Variants in ARMH3 observed in about 807,000 individuals in gnomAD.
ARMH3 encodes armadillo like helical domain containing 3, also known as armadillo-like helical domain-containing protein 3.
ARMH3 carries 60 observed loss-of-function variants against 99.1 expected under a neutral mutation model. The ratio of observed to expected loss-of-function variants is 0.61; its 90% CI spans 0.49 to 0.75. The LOEUF (loss-of-function observed/expected upper bound fraction) is 0.75, where lower values mean the gene tolerates loss of function less well. Ranked by LOEUF, ARMH3 falls within the 30% of genes least tolerant of loss-of-function variation. The pLI is 0.00. For synonymous variants in ARMH3, 285 were observed against 292.8 expected (o/e 0.97, Z 0.27); for missense variants, 679 against 843.1 (o/e 0.81, Z 2.41).
At chr10:101,985,261 T>C (rs1425320317) in intron 19 of ARMH3, among the ~76,000 whole-genome samples, 2 of 149,150 alleles carry the variant, frequency 1.3e-5, no homozygotes, top group South Asian at 2.1e-4. Flanking sequence ...TATATATATG[T>C]GTATATACGT....
chr10:101,974,920 T>C (rs1480017080), intron 20 of ARMH3, among the ~76,000 whole-genome samples: 2 of 151,880 alleles, frequency 1.3e-5, no homozygotes, highest in African/African-American at 2.4e-5. Context: ...GGAAGATTTA[T>C]TGGAACACAA....
chr10:101,865,664 T>G (rs1260779251), intron 24 of ARMH3, among the ~76,000 whole-genome samples: 4 of 151,982 alleles, frequency 2.6e-5, no homozygotes, highest in Non-Finnish European at 5.9e-5. Context: ...AATTTTCATA[T>G]TTTTTGTAGA....
chr10:101,956,816 A>G, intron 21 of ARMH3, 93 bp from the exon 22 acceptor site: 4 of 1,282,880 alleles, frequency 3.1e-6, no homozygotes, highest in Non-Finnish European at 4.1e-6. Context: ...ACTGTCTTGC[A>G]AGAGTTGACT....
intron 23 of ARMH3, among the ~76,000 whole-genome samples, chr10:101,890,381 C>T (rs1012832519): frequency 6.6e-6 from 1 of 152,070 alleles, no homozygotes; most frequent in African/African-American, 2.4e-5. Context: ...GCAGCTGGGA[C>T]TACAGGCATG....
chr10:101,880,735 T>C (rs1407476246), intron 24 of ARMH3, among the ~76,000 whole-genome samples: 1 of 152,148 alleles, frequency 6.6e-6, no homozygotes, highest in Non-Finnish European at 1.5e-5. Context: ...AGGCTCCATT[T>C]TCCTCATAAG....
At position 101,847,471 on chromosome 10, in the gene ARMH3, C is replaced by A; in HGVS notation, c.*57G>T. 1.3e-6 allele frequency: 2 copies of A among 1,561,586 alleles called. No homozygotes were observed. The highest frequency in any genetic ancestry group is 1.1e-5 in the South Asian group (1 of 89,846). On this transcript the variant is annotated 3_prime_UTR_variant, in exon 26 of 26. Transcript: ENST00000370033. ...AGCCCCCTCTCCCCTCGCTCCCCCT[C>A]CAGCCCATGATCCTCATGGGTAAGG...
At chr10:101,963,355 T>A (rs758321263) in intron 20 of ARMH3, among the ~76,000 whole-genome samples, 4 of 151,976 alleles carry the variant, frequency 2.6e-5, no homozygotes, top group Non-Finnish European at 5.9e-5. Flanking sequence ...ATGGCCTCCA[T>A]CTCCTGACCT....
At chr10:102,043,309 G>A (rs961847342) in intron 1 of ARMH3, among the ~76,000 whole-genome samples, 1 of 152,172 alleles carries the variant, frequency 6.6e-6, no homozygotes, top group African/African-American at 2.4e-5. Flanking sequence ...ACAAGTTACT[G>A]TGCTTCTCAG....
chr10:101,944,242 CTATATATATATATA>C (rs1161121591), intron 22 of ARMH3, among the ~76,000 whole-genome samples: 28 of 24,320 alleles, frequency 1.2e-3, no homozygotes, highest in South Asian at 8.5e-3. Context: ...TTGCTTGAGC[CTATATATATATATA>C]TATATATATA....
chr10:102,039,253 T>C (rs1052161874), intron 2 of ARMH3, among the ~76,000 whole-genome samples: 10 of 152,242 alleles, frequency 6.6e-5, no homozygotes, highest in African/African-American at 2.4e-4. Context: ...CAAGTGATTC[T>C]TGTGCCTCAG....
At chr10:102,044,091 C>CTTTT (rs778226635) in intron 1 of ARMH3, among the ~76,000 whole-genome samples, 4 of 104,120 alleles carry the variant, frequency 3.8e-5, no homozygotes, top group Non-Finnish European at 6.1e-5. Flanking sequence ...TAATTTTTTT[C>CTTTT]TTTTTTTTTT....
intron 1 of ARMH3, among the ~76,000 whole-genome samples, chr10:102,052,922 T>C (rs1201233550): frequency 1.3e-5 from 2 of 152,046 alleles, no homozygotes; most frequent in African/African-American, 4.8e-5. Context: ...CCTCTTTCCA[T>C]ACCCTAACCT....
At chr10:101,991,377 T>C (rs937317178) in intron 18 of ARMH3, among the ~76,000 whole-genome samples, 1 of 151,806 alleles carries the variant, frequency 6.6e-6, no homozygotes, top group Non-Finnish European at 1.5e-5. Context: ...CAAGAAAGGA[T>C]GGGAAGAATT....
At chr10:101,919,325 T>C (rs925833575) in intron 23 of ARMH3, among the ~76,000 whole-genome samples, 1 of 152,194 alleles carries the variant, frequency 6.6e-6, no homozygotes, top group Non-Finnish European at 1.5e-5. Context: ...GGCTGATGTT[T>C]TGAATGGTCA....
chr10:101,981,224 A>T (rs1846218500), intron 19 of ARMH3, among the ~76,000 whole-genome samples: 1 of 152,166 alleles, frequency 6.6e-6, no homozygotes, highest in South Asian at 2.1e-4. Context: ...AGGGGTAGCT[A>T]ATTTCTTGGG....
intron 13 of ARMH3, among the ~76,000 whole-genome samples, chr10:102,008,909 C>T (rs1246645291): frequency 2.0e-5 from 3 of 152,014 alleles, no homozygotes; most frequent in African/African-American, 7.2e-5. Context: ...ATGTAAACCA[C>T]GTTATCTGTT....
intron 22 of ARMH3, among the ~76,000 whole-genome samples, chr10:101,942,007 C>T (rs767134767): frequency 5.3e-5 from 8 of 152,136 alleles, no homozygotes; most frequent in African/African-American, 9.7e-5. Context: ...ACTCTGTCCA[C>T]GGATTACTTC....
chr10:102,002,699 G>A (rs1026021741), intron 14 of ARMH3, among the ~76,000 whole-genome samples: 3 of 152,018 alleles, frequency 2.0e-5, no homozygotes, highest in African/African-American at 4.8e-5. Context: ...AGTGGCTCAC[G>A]CCTGTAATCC....
At chr10:101,857,415 T>A (rs1447290690) in intron 24 of ARMH3, among the ~76,000 whole-genome samples, 2 of 152,046 alleles carry the variant, frequency 1.3e-5, no homozygotes, top group African/African-American at 4.8e-5. Flanking sequence ...TGAGCCAAGA[T>A]CATGCCTGGC....
Sources: gnomAD v4.1 joint callset for allele counts (sites outside exome capture counted in the v4.1 genomes callset) on GRCh38, gnomAD v4.1.1 for gene constraint, MANE v1.5 for transcripts, NCBI Gene and HGNC (gene_info 2026-07-23, HGNC 2026-07-21) for gene names.